The following DHX37 variants were observed in gnomAD, a reference collection of about 807,000 sequenced individuals.
DHX37 encodes probable ATP-dependent RNA helicase DHX37.
In DHX37, 52 loss-of-function variants were observed where a neutral mutation model predicts 134.3. The ratio of observed to expected loss-of-function variants is 0.39; its 90% confidence interval spans 0.31 to 0.49. The LOEUF is 0.49. Ranked by LOEUF, DHX37 falls within the 20% of genes least tolerant of loss-of-function variation. The pLI, the probability that DHX37 is intolerant of heterozygous loss-of-function variation, is 0.93. For missense variants in DHX37, 1,344 were observed against 1,580.8 expected (o/e 0.85, Z 2.54); for synonymous variants, 634 against 670.7 (o/e 0.95, Z 0.85).
chr12:124,961,315 CTT>C (rs1954258942), intron 15 of DHX37, among the ~76,000 whole-genome samples: 4 of 142,958 alleles, frequency 2.8e-5, no homozygotes, highest in African/African-American at 1.2e-4. Context: ...CGCACACACA[CTT>C]ACATACACAC....
intron 18 of DHX37, among the ~76,000 whole-genome samples, chr12:124,955,358 G>C (rs1954071255): frequency 6.6e-6 from 1 of 152,198 alleles, no homozygotes; most frequent in South Asian, 2.1e-4. Flanking sequence ...CCTGGTTCTT[G>C]GGCCTTCAGA....
At position 124,954,161 on chromosome 12, in the gene DHX37, C is replaced by T. The variant is rs142687812; in HGVS notation, c.2504G>A (p.Arg835Gln). ...ELTRLKSKRA[R>Q]VAQMKRTWAG... is the part of the protein sequence containing the mutation. ...CCAGGTCCTCTTCATCTGGGCCACC[C>T]GGGCCCGCTTGCTCTTCAGCCTGGT... The change falls in exon 19 of 27, where the codon CGG (arginine) becomes CAG (glutamine). Residue 835 changes from arginine (R) to glutamine (Q), a missense_variant. By Grantham distance (43) the Arg-to-Gln change is conservative. This residue lies in a region of DHX37 where 558 missense variants were observed against 650.0 expected (regional missense o/e 0.86). Coordinates refer to ENST00000308736, the MANE Select transcript of DHX37 (RefSeq NM_032656.4). 3.1e-5 allele frequency: 50 copies of T among 1,612,072 alleles called. No homozygotes were observed. The highest frequency in any genetic ancestry group is 1.5e-4 in the Admixed American group (9 of 59,560).
chr12:124,978,493 T>C (rs950358454), intron 4 of DHX37, among the ~76,000 whole-genome samples: 2 of 150,976 alleles, frequency 1.3e-5, no homozygotes, highest in African/African-American at 4.9e-5. Context: ...AATTTTTGTA[T>C]TTTCAGTAGA....
intron 1 of DHX37, among the ~76,000 whole-genome samples, chr12:124,987,783 C>T (rs973319353): frequency 2.0e-5 from 3 of 152,130 alleles, no homozygotes; most frequent in African/African-American, 4.8e-5. Flanking sequence ...ACTGGTTGAG[C>T]ATCCCTAATC....
chr12:124,957,039 T>C lies in DHX37; in HGVS notation c.2254A>G (p.Lys752Glu). ...ATCTCTTGGCCTTACCTTTCTGCTT[T>C]CTGGGGCGGTTGCAGGGCACCCAGT... Reference protein sequence around the residue: ...IALGALQPPQKAERVKQLQEN... With the variant: ...IALGALQPPQEAERVKQLQEN... Residue 752 changes from lysine to glutamate, a missense_variant, in exon 17 of 27, where the codon AAA becomes GAA. Coordinates refer to ENST00000308736, the MANE Select transcript of DHX37 (RefSeq NM_032656.4). 1.3e-6 allele frequency: 2 copies of C among 1,513,930 alleles called. No individual in the cohort carries two copies. Among genetic ancestry groups the C allele is most frequent in the Non-Finnish European group, 1.8e-6 (2 of 1,134,856 alleles). The allele number at this position is 1,513,930 out of a possible 1,614,324, so 93.8% of individuals were successfully genotyped here.
chr12:124,980,448 C>A lies in DHX37; in HGVS notation c.738+42G>T, dbSNP rs372254085. On this transcript the variant is annotated intron_variant, in intron 4 of 26. Transcript: ENST00000308736. This position sits in a 1 kb window ranked among gnomAD's most constrained non-coding sequence, Gnocchi z 5.3. ...AGGACGCCCTCTGTGCGCCCCTTGC[C>A]CGCTAACCTAGATTCTTAATCACAA... is the stretch of plus-strand genomic sequence containing the variant. 36 of 1,592,582 alleles carry A rather than the reference C, an allele frequency of 2.3e-5. No homozygotes were observed. The East Asian group carries it at 7.6e-4, about 34-fold the overall frequency.
intron 4 of DHX37, among the ~76,000 whole-genome samples, chr12:124,979,295 G>A (rs942228733): frequency 3.3e-5 from 5 of 152,132 alleles, no homozygotes; most frequent in African/African-American, 9.7e-5. Context: ...CTTGAGCCTC[G>A]GAGGCGGAGG....
At chr12:124,950,114 C>G (rs200330231) in intron 24 of DHX37, 35 bp downstream of exon 24, 1 of 1,613,838 alleles carries the variant, frequency 6.2e-7, no homozygotes, top group Non-Finnish European at 8.5e-7. Flanking sequence ...CCCACGGTAC[C>G]CGAGATGAGG....
chr12:124,986,308 G>C (rs773879332), intron 1 of DHX37, 43 bp from the exon 2 acceptor site: 19 of 1,598,860 alleles, frequency 1.2e-5, no homozygotes, highest in Non-Finnish European at 1.5e-5. Context: ...CCTTGAGGTA[G>C]CTCTGGTCCC....
Position 124,952,428 on chromosome 12 carries a change from C to T in DHX37, c.2838G>A (p.Met946Ile), listed in dbSNP as rs377438294. The T allele has an allele frequency of 3.7e-6, 6 of 1,610,862 alleles. No homozygotes were observed. The highest frequency in any genetic ancestry group is 5.1e-6 in the Non-Finnish European group (6 of 1,179,654). ...AGGCGTTCCTCCACTTGTCCTCCAG[C>T]ATCTCCTCGCTCTGGACCCTGCGGG... ...HLARRVQSEE[M>I]LEDKWRNAYK... The change falls in exon 21 of 27, where the codon ATG becomes ATA. Residue 946 changes from methionine to isoleucine, a missense_variant. This residue lies in a region of DHX37 where 558 missense variants were observed against 650.0 expected (regional missense o/e 0.86). Transcript: ENST00000308736.
chr12:124,964,195 C>CAA (rs397692928), intron 15 of DHX37, among the ~76,000 whole-genome samples, 199 bp downstream of exon 15: 1,319 of 56,566 alleles, frequency 0.023, 90 homozygotes, highest in African/African-American at 0.067. Context: ...AACTCCATCT[C>CAA]AAAAAAAAAA....
At position 124,976,558 on chromosome 12, in the gene DHX37, A is replaced by G. The variant is rs940074490; in HGVS notation, c.887+784T>C. Among the ~76,000 whole-genome samples, 5 of 152,204 alleles carry G rather than the reference A, an allele frequency of 3.3e-5. No homozygotes were observed. The East Asian group carries it at 5.8e-4, about 18-fold the overall frequency. ...GAAACTCTGTCTCTTGGCCGGGTGC[A>G]GTGGCTCATGCCTGTAATCCCAGCA... On this transcript the variant is annotated intron_variant, in intron 5 of 26. Coordinates refer to ENST00000308736, the MANE Select transcript of DHX37 (RefSeq NM_032656.4).
rs200430139 is a variant in DHX37, at chr12:124,971,259, G to A, written c.1191+43C>T. On this transcript the variant is annotated intron_variant, in intron 8 of 26. Coordinates refer to ENST00000308736, the MANE Select transcript of DHX37 (RefSeq NM_032656.4). ...CCAAGCCTCTGACAGAGCTGGGGGGGGCCTAGGGCTCGGGGCTCCCCAGCA... is the reference window on the plus strand; with the variant it reads ...CCAAGCCTCTGACAGAGCTGGGGGGAGCCTAGGGCTCGGGGCTCCCCAGCA... The A allele has an allele frequency of 2.1e-4, 340 of 1,592,566 alleles. 3 individuals carry two copies. In the Middle Eastern group the frequency reaches 2.9e-3, roughly 14 times the overall value.
chr12:124,953,659 G>T, intron 20 of DHX37: 1 of 749,086 alleles, frequency 1.3e-6, no homozygotes, highest in Non-Finnish European at 2.1e-6. Context: ...ACCTGGTGGG[G>T]GAGGGTGCAG....
intron 16 of DHX37, among the ~76,000 whole-genome samples, chr12:124,957,495 G>A (rs1046544178): frequency 3.3e-5 from 5 of 152,180 alleles, no homozygotes; most frequent in Non-Finnish European, 7.4e-5. Context: ...GGCATAATAC[G>A]AATAAATTGG....
At position 124,986,224 on chromosome 12, in the gene DHX37, C is replaced by A; in HGVS notation, c.148G>T (p.Val50Phe). 1 of 1,614,108 alleles carries A rather than the reference C, an allele frequency of 6.2e-7. No homozygotes were observed. Among genetic ancestry groups the A allele is most frequent in the Non-Finnish European group, 8.5e-7 (1 of 1,180,024 alleles). The change falls in exon 2 of 27, where the codon GTT (valine) becomes TTT (phenylalanine). Residue 50 changes from valine to phenylalanine, a missense_variant. Val to Phe is a conservative substitution (Grantham distance 50). This residue lies in a region of DHX37 where 319 missense variants were observed against 296.1 expected (regional missense o/e 1.08). Transcript: ENST00000308736. ...LKGVDASNAL[V>F]LPGKKKKKTK... The stretch of plus-strand genomic sequence containing the variant: ...TTCTTTTTCTTCTTCCCCGGTAGAA[C>A]GAGCGCGTTGCTTGCATCAACTCCC...
At position 124,957,030 on chromosome 12, in the gene DHX37, T is replaced by C; in HGVS notation, c.2263A>G (p.Arg755Gly). Residue 755 changes from arginine (R) to glycine (G), a missense_variant and splice_region_variant, in exon 17 of 27, where the codon AGG becomes GGG. Transcript: ENST00000308736. ...GGGCTCTGCATCTCTTGGCCTTACC[T>C]TTCTGCTTTCTGGGGCGGTTGCAGG... ...GALQPPQKAE[R>G]VKQLQENRLS... 5 of 1,514,404 alleles carry C rather than the reference T, an allele frequency of 3.3e-6. No homozygotes were observed. Among genetic ancestry groups the C allele is most frequent in the South Asian group, 2.6e-5 (2 of 75,708 alleles). The allele number at this position is 1,514,404 out of a possible 1,614,324, so 93.8% of individuals were successfully genotyped here.
At chr12:124,982,452 C>T (rs765840715) in intron 3 of DHX37, 59 bp downstream of exon 3, 30 of 1,595,454 alleles carry the variant, frequency 1.9e-5, no homozygotes, top group Non-Finnish European at 2.2e-5. Context: ...ATAACCTGTG[C>T]GCCCTCCCTA....
intron 16 of DHX37, among the ~76,000 whole-genome samples, chr12:124,959,341 G>A (rs1954177546): frequency 6.6e-6 from 1 of 152,002 alleles, no homozygotes; most frequent in South Asian, 2.1e-4. Context: ...CCAAAGTGCT[G>A]AGATTACAGG....
Sources: gnomAD v4.1 joint callset for allele counts (sites outside exome capture counted in the v4.1 genomes callset) on GRCh38, gnomAD v4.1.1 for gene constraint, gnomAD v4.1.1 regional missense constraint, Gnocchi (gnomAD v3.1) non-coding constraint, MANE v1.5 for transcripts, NCBI Gene and HGNC (gene_info 2026-07-23, HGNC 2026-07-21) for gene names.